PLCH1: variants seen among roughly 807,000 people sequenced by gnomAD.
PLCH1 encodes phospholipase C eta 1.
Under a neutral mutation model 126.7 loss-of-function variants are expected in PLCH1, and 60 were observed. The ratio of observed to expected loss-of-function variants is 0.47; its 90% CI spans 0.38 to 0.59. The LOEUF (loss-of-function observed/expected upper bound fraction) is 0.59, where lower values mean the gene tolerates loss of function less well. Ranked by LOEUF, PLCH1 falls within the 20% of genes least tolerant of loss-of-function variation. PLCH1 has a pLI of 0.00. For missense variants in PLCH1, 1,723 were observed against 2,040.0 expected (o/e 0.84, Z 2.99); for synonymous variants, 719 against 734.9 (o/e 0.98, Z 0.35).
chr3:155,481,013 T>G lies in PLCH1; in HGVS notation c.5013A>C (p.Pro1671=). The change falls in exon 23 of 23, where the codon CCA becomes CCC. Residue 1671 remains proline (P), a synonymous_variant. Coordinates refer to ENST00000460012, the MANE Select transcript of PLCH1 (RefSeq NM_014996.4). This position sits in a 1 kb window ranked among gnomAD's most constrained non-coding sequence, Gnocchi z 4.2. ...CSDNSVLQTE[P]SSDDKPEIYF... is the part of the protein sequence containing the mutation. Reference sequence around the variant, plus strand: ...AAATTTCTGGTTTATCATCACTGCTTGGCTCAGTCTGCAAAACAGAATTAT... The same window carrying G: ...AAATTTCTGGTTTATCATCACTGCTGGGCTCAGTCTGCAAAACAGAATTAT... 1 of 1,608,500 alleles carries G rather than the reference T, an allele frequency of 6.2e-7. No individual in the cohort carries two copies. Among genetic ancestry groups the G allele is most frequent in the Non-Finnish European group, 8.5e-7 (1 of 1,175,352 alleles).
At chr3:155,592,131 G>A (rs577134144) in intron 4 of PLCH1, among the ~76,000 whole-genome samples, 99 of 147,828 alleles carry the variant, frequency 6.7e-4, no homozygotes, top group African/African-American at 2.4e-3. Flanking sequence ...ATGATGAGAA[G>A]TTGTCTTTTG....
intron 2 of PLCH1, among the ~76,000 whole-genome samples, chr3:155,698,586 C>A (rs561146363): frequency 2.0e-5 from 3 of 152,164 alleles, no homozygotes; most frequent in Non-Finnish European, 4.4e-5. Flanking sequence ...GGGAGGTAGA[C>A]AATCTCGCAT....
In PLCH1 at chr3:155,710,965, G is replaced by T. The variant is rs560948812; in HGVS notation, c.-40-6701C>A. Among the ~76,000 whole-genome samples the T allele has an allele frequency of 4.4e-3, 606 of 136,622 alleles. 3 individuals are homozygous for T. Among genetic ancestry groups the T allele is most frequent in the Non-Finnish European group, 6.9e-3 (456 of 65,726 alleles). 89.6% of individuals were successfully genotyped at this position (136,622 alleles called of 152,430 possible). On this transcript the variant is annotated intron_variant, in intron 1 of 22. Transcript: ENST00000460012. Reference sequence around the variant, plus strand: ...CCTAAAGACAATGACCATGGGCACTGTGGTCTTTTTTTTTTTTTTTTTAAC... The same window carrying T: ...CCTAAAGACAATGACCATGGGCACTTTGGTCTTTTTTTTTTTTTTTTTAAC...
intron 8 of PLCH1, 23 bp downstream of exon 8, chr3:155,564,886 ACACCGG>A: frequency 6.7e-7 from 1 of 1,499,566 alleles, no homozygotes; most frequent in Non-Finnish European, 9.3e-7. Flanking sequence ...TCACCCATAC[ACACCGG>A]AGCTCAGAAA....
At chr3:155,585,019 T>C (rs1013298010) in intron 5 of PLCH1, among the ~76,000 whole-genome samples, 1 of 152,136 alleles carries the variant, frequency 6.6e-6, no homozygotes, top group Non-Finnish European at 1.5e-5. Flanking sequence ...AGATAATTCA[T>C]TTGCCCTCCA....
At chr3:155,711,349 A>G (rs1747113881) in intron 1 of PLCH1, among the ~76,000 whole-genome samples, 1 of 152,204 alleles carries the variant, frequency 6.6e-6, no homozygotes, top group Admixed American at 6.5e-5. Flanking sequence ...TGTAGTTAAC[A>G]CGACCAAAAT....
chr3:155,709,675 G>A (rs1746945391), intron 1 of PLCH1, among the ~76,000 whole-genome samples: 1 of 152,098 alleles, frequency 6.6e-6, no homozygotes, highest in Non-Finnish European at 1.5e-5. Context: ...GAAGTACAGT[G>A]GCATAATCAA....
At chr3:155,659,890 T>C (rs1236017266) in intron 2 of PLCH1, among the ~76,000 whole-genome samples, 1 of 152,150 alleles carries the variant, frequency 6.6e-6, no homozygotes, top group Non-Finnish European at 1.5e-5. Context: ...ACCTTCAGCC[T>C]CCAAAAGCAT....
intron 7 of PLCH1, among the ~76,000 whole-genome samples, chr3:155,567,578 G>A (rs73874842): frequency 2.6e-4 from 39 of 152,248 alleles, no homozygotes; most frequent in African/African-American, 8.9e-4. Flanking sequence ...TGCTCTGCCT[G>A]AAAGATCCTC....
At chr3:155,467,994 T>C (rs1712995002) in intron 21 of PLCH1, among the ~76,000 whole-genome samples, 1 of 152,184 alleles carries the variant, frequency 6.6e-6, no homozygotes, top group African/African-American at 2.4e-5. Context: ...ACTACTCTTA[T>C]CCTAAGTGGA....
Position 155,486,509 on chromosome 3 carries a change from GTTTGTTTTTTTT to G in PLCH1, c.2620-811_2620-800del, listed in dbSNP as rs1343357224. On this transcript the variant is annotated intron_variant, in intron 21 of 22. Transcript: ENST00000460012. ...AGATTTTAATTTATTTCTGGCTCAA[GTTTGTTTTTTTT>G]TTTTTTTTTTTTTTGAGACGGAGTC... 3.3e-3 allele frequency among the ~76,000 whole-genome samples: 431 copies of G among 130,760 alleles called. 3 individuals carry two copies. Among genetic ancestry groups the G allele is most frequent in the African/African-American group, 0.011 (375 of 34,698 alleles). The allele number at this position is 130,760 out of a possible 152,430, so 85.8% of individuals were successfully genotyped here.
At chr3:155,602,549 A>G (rs1036430126) in intron 2 of PLCH1, among the ~76,000 whole-genome samples, 3 of 152,154 alleles carry the variant, frequency 2.0e-5, no homozygotes, top group Non-Finnish European at 2.9e-5. Context: ...TAGTGTATTC[A>G]CACAGACCTA....
At chr3:155,545,253 C>T (rs201228868) in intron 10 of PLCH1, among the ~76,000 whole-genome samples, 64,722 of 137,472 alleles carry the variant, frequency 0.47, 16,068 homozygotes, top group Middle Eastern at 0.66. Context: ...GAGAATACTA[C>T]AAACACCTCT....
intron 2 of PLCH1, among the ~76,000 whole-genome samples, chr3:155,683,733 T>G (rs1744712462): frequency 6.6e-6 from 1 of 152,192 alleles, no homozygotes; most frequent in South Asian, 2.1e-4. Context: ...CTCTCATGGT[T>G]GTTGACAGTG....
At chr3:155,537,134 ATC>A (rs1723453194) in intron 10 of PLCH1, among the ~76,000 whole-genome samples, 2 of 140,990 alleles carry the variant, frequency 1.4e-5, no homozygotes, top group Non-Finnish European at 3.1e-5. Context: ...CCAATTTCAG[ATC>A]ATAGGCAACA....
In PLCH1 at chr3:155,504,575, T is replaced by C. The variant is rs745528778; in HGVS notation, c.1684A>G (p.Thr562Ala). The change falls in exon 13 of 23, where the codon ACC becomes GCC. Residue 562 changes from threonine to alanine, a missense_variant. Transcript: ENST00000460012. ...GKKSHGRSLM[T>A]NFGKHKKTTK... ...CATACCTTATGTTTTCCAAAGTTGG[T>C]CATGAGGGATCGTCCATGTGATTTC... The C allele has an allele frequency of 2.5e-6, 4 of 1,604,260 alleles. No homozygotes were observed. Among genetic ancestry groups the C allele is most frequent in the Non-Finnish European group, 3.4e-6 (4 of 1,171,046 alleles).
In PLCH1 at chr3:155,576,875, T is replaced by A. The variant is rs75821633; in HGVS notation, c.771+6597A>T. Among the ~76,000 whole-genome samples, 65 of 152,340 alleles carry A rather than the reference T, an allele frequency of 4.3e-4. No homozygotes were observed. In the East Asian group the frequency reaches 0.012, roughly 28 times the overall value. ...CAACAATTTTTAAATACAGAGCTAT[T>A]TTCTTAGGATGAATTATTAAAGTAA... is the stretch of plus-strand genomic sequence containing the variant. On this transcript the variant is annotated intron_variant, in intron 6 of 22. Coordinates refer to ENST00000460012, the MANE Select transcript of PLCH1 (RefSeq NM_014996.4).
intron 12 of PLCH1, among the ~76,000 whole-genome samples, chr3:155,505,366 C>T (rs1306154254): frequency 1.3e-5 from 2 of 152,154 alleles, no homozygotes; most frequent in East Asian, 1.9e-4. Context: ...AGAGTTTAAA[C>T]TCTTATTCAT....
intron 1 of PLCH1, among the ~76,000 whole-genome samples, chr3:155,739,708 G>A (rs1389667642): frequency 6.6e-6 from 1 of 152,212 alleles, no homozygotes; most frequent in Non-Finnish European, 1.5e-5. Context: ...ACAGAACATG[G>A]AGGCAGACAG....
Sources: gnomAD v4.1 joint callset for allele counts (sites outside exome capture counted in the v4.1 genomes callset) on GRCh38, gnomAD v4.1.1 for gene constraint, Gnocchi (gnomAD v3.1) non-coding constraint, MANE v1.5 for transcripts, NCBI Gene and HGNC (gene_info 2026-07-23, HGNC 2026-07-21) for gene names.